Variants in MACROH2A2 observed in about 807,000 individuals in gnomAD.
The protein encoded by MACROH2A2 is core histone macro-H2A.2.
Under a neutral mutation model 37.6 loss-of-function variants are expected in MACROH2A2, and 6 were observed. That is an observed-to-expected ratio of 0.16 (90% confidence interval 0.09 to 0.32). The LOEUF (loss-of-function observed/expected upper bound fraction) is 0.32. Ranked by LOEUF, MACROH2A2 falls within the 10% of genes least tolerant of loss-of-function variation. The pLI is 1.00. For synonymous variants in MACROH2A2, 192 were observed against 202.7 expected (o/e 0.95, Z 0.45); for missense variants, 290 against 485.9 (o/e 0.60, Z 3.79).
chr10:70,056,200 A>G (rs2072015396), intron 1 of MACROH2A2, among the ~76,000 whole-genome samples: 1 of 152,184 alleles, frequency 6.6e-6, no homozygotes, highest in South Asian at 2.1e-4. Context: ...ATTGATACCC[A>G]TCCATAACCT....
chr10:70,071,922 G>T (rs1258875885), intron 1 of MACROH2A2, among the ~76,000 whole-genome samples: 2 of 152,286 alleles, frequency 1.3e-5, no homozygotes, highest in East Asian at 3.9e-4. Context: ...GGACATTATT[G>T]TACACTACTG....
chr10:70,067,155 T>G (rs748295983), intron 1 of MACROH2A2, among the ~76,000 whole-genome samples: 1 of 152,108 alleles, frequency 6.6e-6, no homozygotes, highest in Non-Finnish European at 1.5e-5. Context: ...ATTGATTAGT[T>G]GATGAAATGT....
At chr10:70,064,214 C>T (rs1452644405) in intron 1 of MACROH2A2, among the ~76,000 whole-genome samples, 1 of 152,008 alleles carries the variant, frequency 6.6e-6, no homozygotes. Context: ...ACTAAAAATA[C>T]AAAAATTAGC....
chr10:70,106,977 A>AT (rs1386206307), intron 7 of MACROH2A2, among the ~76,000 whole-genome samples: 1 of 152,226 alleles, frequency 6.6e-6, no homozygotes, highest in Admixed American at 6.5e-5. Context: ...GGCAAGGCCC[A>AT]TCTCCAGGGT....
chr10:70,082,789 G>A (rs2072187863), intron 2 of MACROH2A2, among the ~76,000 whole-genome samples: 1 of 152,150 alleles, frequency 6.6e-6, no homozygotes, highest in South Asian at 2.1e-4. Context: ...GTAGAATAGA[G>A]GTTACCAGGG....
intron 7 of MACROH2A2, among the ~76,000 whole-genome samples, chr10:70,104,210 C>A (rs1334725682): frequency 6.6e-6 from 1 of 152,090 alleles, no homozygotes; most frequent in African/African-American, 2.4e-5. Flanking sequence ...TTGTATGTAA[C>A]ATTAAGAAAA....
chr10:70,074,066 C>G (rs1242615693), intron 1 of MACROH2A2, among the ~76,000 whole-genome samples: 2 of 152,094 alleles, frequency 1.3e-5, no homozygotes. Context: ...ACCGTTTGTC[C>G]CTTGTAATTT....
At chr10:70,093,612 A>G (rs111936676) in intron 4 of MACROH2A2, 123 bp from the exon 5 acceptor site, 1 of 620,256 alleles carries the variant, frequency 1.6e-6, no homozygotes, top group Non-Finnish European at 2.9e-6. Context: ...AAACAGCAGA[A>G]CACATCACCT....
intron 2 of MACROH2A2, among the ~76,000 whole-genome samples, chr10:70,087,968 A>ATGAAT (rs2072221279): frequency 6.6e-6 from 1 of 152,350 alleles, no homozygotes; most frequent in East Asian, 1.9e-4. Flanking sequence ...TGATTGCCGT[A>ATGAAT]GATTTTATGA....
In MACROH2A2 at chr10:70,081,773, G is replaced by A. The variant is rs574471742; in HGVS notation, c.172+5943G>A. On this transcript the variant is annotated intron_variant, in intron 2 of 8. Transcript: ENST00000373255. ...AGAGCTGCCACCAGATCTTATGAAT[G>A]AATGAAATGTAAAATGGTGCAGCCT... Among the ~76,000 whole-genome samples the A allele has an allele frequency of 8.5e-5, 13 of 152,228 alleles. No homozygotes were observed. The South Asian group carries it at 2.5e-3, about 29-fold the overall frequency.
chr10:70,089,412 C>T (rs2072230491), intron 2 of MACROH2A2, among the ~76,000 whole-genome samples: 1 of 152,282 alleles, frequency 6.6e-6, no homozygotes, highest in South Asian at 2.1e-4. Context: ...AAGATGGCTG[C>T]CCAAATTCCA....
chr10:70,078,423 G>A (rs2072153632), intron 2 of MACROH2A2, among the ~76,000 whole-genome samples: 1 of 152,220 alleles, frequency 6.6e-6, no homozygotes, highest in African/African-American at 2.4e-5. Context: ...GCCCAGGCCT[G>A]TCCTCTGTGT....
intron 2 of MACROH2A2, among the ~76,000 whole-genome samples, chr10:70,086,307 A>G (rs534316796): frequency 6.6e-6 from 1 of 152,114 alleles, no homozygotes; most frequent in Admixed American, 6.5e-5. Flanking sequence ...AAAAAAAAAA[A>G]AAGTCCCACC....
chr10:70,102,475 T>C (rs1253589957), intron 7 of MACROH2A2, among the ~76,000 whole-genome samples: 1 of 152,040 alleles, frequency 6.6e-6, no homozygotes, highest in Non-Finnish European at 1.5e-5. Flanking sequence ...TCCCAGCACT[T>C]TGGGAGGCTG....
intron 1 of MACROH2A2, among the ~76,000 whole-genome samples, chr10:70,054,829 C>T (rs1322691353): frequency 6.6e-6 from 1 of 152,168 alleles, no homozygotes; most frequent in African/African-American, 2.4e-5. Flanking sequence ...ATCTTCATAA[C>T]CCCTCTTTCC....
At chr10:70,078,344 C>T (rs1196881266) in intron 2 of MACROH2A2, among the ~76,000 whole-genome samples, 1 of 152,216 alleles carries the variant, frequency 6.6e-6, no homozygotes, top group African/African-American at 2.4e-5. Context: ...CTCCTGCCCC[C>T]GGCCAGTCCC....
Position 70,065,032 on chromosome 10 carries a change from T to TC in MACROH2A2, c.-59-10568_-59-10567insC, listed in dbSNP as rs199541667. On this transcript the variant is annotated intron_variant, in intron 1 of 8. Transcript: ENST00000373255. ...ATCTTGTCCTTCATTCTTTTTTTTT[T>TC]TCTTTTTTTTTTTTGAGACAGAGTC... Among the ~76,000 whole-genome samples the TC allele has an allele frequency of 1.5e-4, 22 of 151,116 alleles. No homozygotes were observed. The East Asian group carries it at 3.1e-3, about 21-fold the overall frequency.
chr10:70,080,340 A>G (rs983940283), intron 2 of MACROH2A2, among the ~76,000 whole-genome samples: 1 of 151,250 alleles, frequency 6.6e-6, no homozygotes, highest in Non-Finnish European at 1.5e-5. Flanking sequence ...CAGCTAGTGG[A>G]TGGAGAATGG....
chr10:70,062,126 T>C (rs1460643509), intron 1 of MACROH2A2, among the ~76,000 whole-genome samples: 2 of 152,200 alleles, frequency 1.3e-5, no homozygotes, highest in East Asian at 3.8e-4. Context: ...CAAACTCTAT[T>C]AGGTGGGAAG....
Sources: allele counts gnomAD v4.1 joint callset (sites outside exome capture counted in the v4.1 genomes callset), GRCh38; gene constraint gnomAD v4.1.1; transcripts MANE v1.5; gene names NCBI Gene and HGNC (gene_info 2026-07-23, HGNC 2026-07-21).